DOK7: variants seen among roughly 807,000 people sequenced by gnomAD.
DOK7 encodes the protein docking protein 7, also known as protein Dok-7.
DOK7 carries 32 observed loss-of-function variants against 30.7 expected under a neutral mutation model. That is an observed-to-expected ratio of 1.04 (90% CI 0.79 to 1.40). The LOEUF is 1.40. Among genes scored for constraint, DOK7 ranks in the 40% most tolerant of loss-of-function variants. DOK7 has a pLI of 0.00. For missense variants in DOK7, 1,007 were observed against 699.2 expected (o/e 1.44, Z -4.97); for synonymous variants, 447 against 324.1 (o/e 1.38, Z -4.07).
intron 4 of DOK7, among the ~76,000 whole-genome samples, chr4:3,479,041 C>T (rs372827013): frequency 6.6e-6 from 1 of 152,168 alleles, no homozygotes; most frequent in African/African-American, 2.4e-5. Context: ...AAGAGAGGGC[C>T]AAGTGTCCAG....
rs201392182 is a variant in DOK7, at chr4:3,493,292, G to C, written c.1306G>C (p.Gly436Arg). 1.6e-4 allele frequency: 265 copies of C among 1,608,512 alleles called. 1 individual carries two copies. The highest frequency in any genetic ancestry group is 2.1e-4 in the Non-Finnish European group (252 of 1,177,980). Residue 436 changes from glycine (G) to arginine (R), a missense_variant, in exon 7 of 7, where the codon GGC (glycine) becomes CGC (arginine). Transcript: ENST00000340083. ...PGNSAARDSG[G>R]QTSAGCPSGW... is the part of the protein sequence containing the mutation. ...CAACAGTGCGGCCAGGGACTCAGGC[G>C]GCCAGACGTCCGCCGGGTGTCCCTC... is the stretch of plus-strand genomic sequence containing the variant.
chr4:3,467,009 G>GC (rs1299451222), intron 2 of DOK7, among the ~76,000 whole-genome samples: 1 of 152,140 alleles, frequency 6.6e-6, no homozygotes, highest in African/African-American at 2.4e-5. Flanking sequence ...GTCGATGGCC[G>GC]CCCCCCTTGC....
At chr4:3,473,801 C>T (rs1577149175) in intron 3 of DOK7, among the ~76,000 whole-genome samples, 165 bp downstream of exon 3, 2 of 152,268 alleles carry the variant, frequency 1.3e-5, no homozygotes, top group African/African-American at 4.8e-5. Context: ...TGGGGGTGCC[C>T]ACGAGGGTTT....
At chr4:3,490,410 C>CTGCTCATTCATT (rs1560226878) in intron 6 of DOK7, among the ~76,000 whole-genome samples, 1 of 14,228 alleles carries the variant, frequency 7.0e-5, no homozygotes, top group Non-Finnish European at 1.3e-4. Context: ...TTCTTTCACC[C>CTGCTCATTCATT]CCCCCACCGC....
chr4:3,490,993 A>ATTCC (rs1376239089), intron 6 of DOK7, among the ~76,000 whole-genome samples: 1 of 58,968 alleles, frequency 1.7e-5, no homozygotes, highest in African/African-American at 6.4e-5. Context: ...CTGCTCATTC[A>ATTCC]TTCCTTCCTT....
rs10937930 is a variant in DOK7 at position 3,494,383 on chromosome 4, C to T, written c.*882C>T. 234,762 of 985,622 alleles carry T rather than the reference C, an allele frequency of 0.24. 28,448 individuals are homozygous for T. The highest frequency in any genetic ancestry group is 0.39 in the South Asian group (8,227 of 21,294). 61.1% of individuals were successfully genotyped at this position (985,622 alleles called of 1,614,324 possible). A position where few individuals can be genotyped will look rare whatever the true frequency, so the allele number is the denominator to read the frequency against. ...CCTGGAGCCTGCCCTGACCACAGCC[C>T]AGCAGCTCCCTGTGAACACCTCTTT... On this transcript the variant is annotated 3_prime_UTR_variant, in exon 7 of 7. Coordinates refer to ENST00000340083, the MANE Select transcript of DOK7 (RefSeq NM_173660.5).
intron 2 of DOK7, among the ~76,000 whole-genome samples, chr4:3,466,890 G>A (rs948668105): frequency 2.6e-5 from 4 of 152,186 alleles, no homozygotes; most frequent in Admixed American, 2.6e-4. Flanking sequence ...ACCCTCACGC[G>A]TTTCCTTCCC....
rs992243433 is a variant in DOK7, at chr4:3,494,096, C to A, written c.*595C>A. The A allele has an allele frequency of 2.0e-6, 2 of 986,338 alleles. No individual in the cohort carries two copies. Among genetic ancestry groups the A allele is most frequent in the Non-Finnish European group, 2.4e-6 (2 of 830,612 alleles). The allele number at this position is 986,338 out of a possible 1,614,324, so 61.1% of individuals were successfully genotyped here. A position where few individuals can be genotyped will look rare whatever the true frequency, so the allele number is the denominator to read the frequency against. ...CGGGGTCTCTGGGTTCTGGGCCCCA[C>A]TGTTCCCCAGTGAAGCCCTTGTGGG... On this transcript the variant is annotated 3_prime_UTR_variant, in exon 7 of 7. Coordinates refer to ENST00000340083, the MANE Select transcript of DOK7 (RefSeq NM_173660.5).
chr4:3,498,156 C>T (rs748389371), downstream of DOK7, among the ~76,000 whole-genome samples: 13 of 152,174 alleles, frequency 8.5e-5, no homozygotes, highest in Non-Finnish European at 1.8e-4. Context: ...GCAGAAGGGC[C>T]AGCCGATTCC....
chr4:3,484,384 A>G (rs1727622661), intron 4 of DOK7, among the ~76,000 whole-genome samples: 1 of 152,114 alleles, frequency 6.6e-6, no homozygotes. Flanking sequence ...CGGGGGTTCT[A>G]ATGCCGAGAT....
downstream of DOK7, chr4:3,496,765 C>A: frequency 6.5e-7 from 1 of 1,526,956 alleles, no homozygotes; most frequent in Non-Finnish European, 8.8e-7. Context: ...GCCCCCCGGG[C>A]ACAGGATGAG....
intron 5 of DOK7, among the ~76,000 whole-genome samples, chr4:3,486,804 C>T (rs574583243): frequency 7.2e-5 from 11 of 152,044 alleles, no homozygotes; most frequent in East Asian, 1.9e-4. Context: ...ATGATGTGGT[C>T]GGTGTGTTTG....
rs1035231677 is a variant in DOK7, at chr4:3,493,680, C to T, written c.*179C>T. Reference sequence around the variant, plus strand: ...GGCTGCCACCGGAGGAAGGGGCTGACTTGGGGAGGTGAGTTCTGGAAGGCA... The same window carrying T: ...GGCTGCCACCGGAGGAAGGGGCTGATTTGGGGAGGTGAGTTCTGGAAGGCA... On this transcript the variant is annotated 3_prime_UTR_variant, in exon 7 of 7. Coordinates refer to ENST00000340083, the MANE Select transcript of DOK7 (RefSeq NM_173660.5). 4 of 1,447,058 alleles carry T rather than the reference C, an allele frequency of 2.8e-6. No individual in the cohort carries two copies. The Admixed American group carries it at 1.1e-4, about 40-fold the overall frequency. 89.6% of individuals were successfully genotyped at this position (1,447,058 alleles called of 1,614,324 possible).
intron 5 of DOK7, among the ~76,000 whole-genome samples, chr4:3,487,635 A>G (rs779836818): frequency 1.8e-4 from 27 of 152,098 alleles, no homozygotes; most frequent in South Asian, 6.2e-4. Flanking sequence ...ACGGGGGTGC[A>G]CCGTTGCTGC....
chr4:3,488,780 G>A (rs1004282816), intron 5 of DOK7, among the ~76,000 whole-genome samples: 9 of 152,036 alleles, frequency 5.9e-5, no homozygotes, highest in African/African-American at 1.9e-4. Context: ...TTGCTCTTGC[G>A]GGTGTGGCTG....
intron 6 of DOK7, among the ~76,000 whole-genome samples, chr4:3,491,169 G>C: frequency 1.6e-5 from 1 of 63,976 alleles, no homozygotes. Flanking sequence ...TCTTCCTCCT[G>C]CTCATTCATT....
chr4:3,476,171 C>T (rs1727047644), intron 3 of DOK7, among the ~76,000 whole-genome samples, 171 bp from the exon 4 acceptor site: 1 of 135,570 alleles, frequency 7.4e-6, no homozygotes, highest in East Asian at 2.1e-4. Context: ...GCCCTCTCGC[C>T]CCGCCCACCC....
At chr4:3,492,582 G>A (rs1012714303) in intron 6 of DOK7, among the ~76,000 whole-genome samples, 177 bp from the exon 7 acceptor site, 14 of 152,126 alleles carry the variant, frequency 9.2e-5, no homozygotes, top group Non-Finnish European at 1.8e-4. Context: ...TGGATGAGGG[G>A]TAGAGGGGTT....
At chr4:3,494,999 G>A (rs989809545), downstream of DOK7, among the ~76,000 whole-genome samples, 9 of 152,214 alleles carry the variant, frequency 5.9e-5, no homozygotes, top group African/African-American at 1.7e-4. Flanking sequence ...TCTGAGCGGG[G>A]AGTTCTGGAG....
Sources: gnomAD v4.1 joint callset for allele counts (sites outside exome capture counted in the v4.1 genomes callset) on GRCh38, gnomAD v4.1.1 for gene constraint, MANE v1.5 for transcripts, NCBI Gene and HGNC (gene_info 2026-07-23, HGNC 2026-07-21) for gene names.